Variants in NPIPB2 observed in about 807,000 individuals in gnomAD.
The protein encoded by NPIPB2 is nuclear pore complex-interacting protein family member B2.
NPIPB2 carries 27 observed loss-of-function variants against 30.8 expected under a neutral mutation model. The ratio of observed to expected loss-of-function variants is 0.88; its 90% CI spans 0.65 to 1.21. The LOEUF (loss-of-function observed/expected upper bound fraction) is 1.21, where lower values mean the gene tolerates loss of function less well. Ranked by LOEUF, NPIPB2 falls within the 50% of genes most tolerant of loss-of-function variation. NPIPB2 has a pLI of 0.00. For missense variants in NPIPB2, 440 were observed against 446.2 expected (o/e 0.99, Z 0.13); for synonymous variants, 147 against 162.0 (o/e 0.91, Z 0.70).
intron 1 of NPIPB2, chr16:11,966,286 G>A: frequency 6.2e-7 from 1 of 1,614,006 alleles, no homozygotes; most frequent in African/African-American, 1.3e-5. Context: ...TCGTGCTAAT[G>A]TTTTTGCTAA....
chr16:11,956,916 C>G (rs1165598672), intron 1 of NPIPB2, among the ~76,000 whole-genome samples: 1 of 152,230 alleles, frequency 6.6e-6, no homozygotes, highest in East Asian at 1.9e-4. Flanking sequence ...GGCTCCACAG[C>G]TGGCCCTGCC....
chr16:11,970,779 C>A (rs1007939361), intron 1 of NPIPB2, among the ~76,000 whole-genome samples: 2 of 152,056 alleles, frequency 1.3e-5, no homozygotes, highest in Non-Finnish European at 2.9e-5. Context: ...CGTGATCTAC[C>A]TGCCTTGGCC....
intron 1 of NPIPB2, among the ~76,000 whole-genome samples, chr16:11,972,691 G>A (rs1414417074): frequency 1.3e-5 from 2 of 151,416 alleles, no homozygotes; most frequent in Non-Finnish European, 2.9e-5. Flanking sequence ...TGGCCAACAT[G>A]GTGAAACCCC....
chr16:11,943,175 T>C (rs3894906), upstream of NPIPB2, among the ~76,000 whole-genome samples: 1 of 151,564 alleles, frequency 6.6e-6, no homozygotes. Context: ...AAAAATTAGC[T>C]GGGTGTGGTG....
Position 11,966,205 on chromosome 16 carries a change from T to G in NPIPB2, c.-584+10363A>C, listed in dbSNP as rs780592053. ...GTTCTTTTCATAAAGGTGTGACCAA[T>G]TCAGTGAAAGGAACGAATGCGATTC... On this transcript the variant is annotated intron_variant, in intron 1 of 5. Coordinates refer to the NPIPB2 transcript ENST00000538896. The G allele has an allele frequency of 2.5e-6, 4 of 1,613,148 alleles. No homozygotes were observed. The South Asian group carries it at 4.4e-5, about 18-fold the overall frequency.
intron 1 of NPIPB2, among the ~76,000 whole-genome samples, chr16:11,938,982 G>A (rs1372338469): frequency 1.5e-4 from 22 of 150,782 alleles, no homozygotes; most frequent in East Asian, 3.9e-4. Context: ...TCCTGACCTC[G>A]TGATCCACCT....
At chr16:11,971,428 C>T (rs780745422) in intron 1 of NPIPB2, among the ~76,000 whole-genome samples, 13 of 108,632 alleles carry the variant, frequency 1.2e-4, no homozygotes, top group Admixed American at 2.9e-4. Flanking sequence ...CAACTAGAAG[C>T]AGGTATGGGG....
chr16:11,933,378 A>C, intron 4 of NPIPB2, 139 bp downstream of exon 4: 1 of 1,327,424 alleles, frequency 7.5e-7, no homozygotes. Context: ...AAACTAATGA[A>C]GCAGAAAGGA....
At chr16:11,970,115 G>A (rs898100421) in intron 1 of NPIPB2, among the ~76,000 whole-genome samples, 3 of 152,026 alleles carry the variant, frequency 2.0e-5, no homozygotes, top group East Asian at 2.0e-4. Flanking sequence ...TTGGGAGGCC[G>A]AGACAGGCAG....
intron 1 of NPIPB2, among the ~76,000 whole-genome samples, chr16:11,951,014 G>T (rs1187910871): frequency 6.6e-6 from 1 of 151,928 alleles, no homozygotes; most frequent in East Asian, 1.9e-4. Context: ...TTCTTTAAAA[G>T]GATTCAGGGT....
chr16:11,948,552 G>A (rs1000100444), intron 1 of NPIPB2, among the ~76,000 whole-genome samples: 1 of 151,962 alleles, frequency 6.6e-6, no homozygotes, highest in African/African-American at 2.4e-5. Context: ...GGATCACGAG[G>A]TCAGGAGATC....
Position 11,965,075 on chromosome 16 carries a change from C to G in NPIPB2, c.-584+11493G>C, listed in dbSNP as rs11570138. 328 of 525,780 alleles carry G rather than the reference C, an allele frequency of 6.2e-4. 1 individual carries two copies. Among genetic ancestry groups the G allele is most frequent in the African/African-American group, 5.8e-3 (302 of 52,498 alleles). The allele number at this position is 525,780 out of a possible 1,614,324, so 32.6% of individuals were successfully genotyped here. Reference sequence around the variant, plus strand: ...GTTTCTGTTTCAGATGTGATATGCCCTGATATTTACACCCTGTCTCTTACC... The same window carrying G: ...GTTTCTGTTTCAGATGTGATATGCCGTGATATTTACACCCTGTCTCTTACC... On this transcript the variant is annotated intron_variant, in intron 1 of 5. Transcript: ENST00000538896.
intron 1 of NPIPB2, chr16:11,941,201 G>A (rs2054934271): frequency 1.3e-6 from 2 of 1,528,432 alleles, no homozygotes; most frequent in Admixed American, 2.0e-5. Flanking sequence ...AATTCCAGCA[G>A]GAGCCAAAAG....
intron 1 of NPIPB2, among the ~76,000 whole-genome samples, chr16:11,952,732 TTTTTGCATTTTTTAG>T (rs1186796225): frequency 6.6e-6 from 1 of 151,820 alleles, no homozygotes; most frequent in East Asian, 1.9e-4. Context: ...GCCTGGCTAA[TTTTTGCATTTTTTAG>T]TAGAGATAGG....
chr16:11,946,365 A>G (rs1350442125), upstream of NPIPB2, among the ~76,000 whole-genome samples: 3 of 149,946 alleles, frequency 2.0e-5, no homozygotes, highest in Non-Finnish European at 4.4e-5. Context: ...AGCCTGGGCA[A>G]TAAAAGCTAA....
chr16:11,934,356 C>T (rs1245347705), intron 2 of NPIPB2, among the ~76,000 whole-genome samples: 1 of 149,934 alleles, frequency 6.7e-6, no homozygotes, highest in African/African-American at 2.5e-5. Context: ...GAGTTTGAGA[C>T]CAGCCTCACC....
At chr16:11,934,415 T>C (rs549837689) in intron 2 of NPIPB2, among the ~76,000 whole-genome samples, 3 of 151,474 alleles carry the variant, frequency 2.0e-5, no homozygotes, top group East Asian at 3.9e-4. Context: ...TAGCCAGGCA[T>C]GGTGGTGCAT....
chr16:11,933,714 T>C lies in NPIPB2; in HGVS notation c.293-2A>G. On this transcript the variant is annotated splice_acceptor_variant, in intron 3 of 7. Transcript: ENST00000399147. LOFTEE classifies it high-confidence loss of function. ...TGTGCATACAAATGGACCTCAGCCC[T>C]TGGTGAGAGTGAGGAGAGGAGAAGG... 6.3e-7 allele frequency: 1 copy of C among 1,596,924 alleles called. No individual in the cohort carries two copies. Among genetic ancestry groups the C allele is most frequent in the Admixed American group, 1.7e-5 (1 of 59,988 alleles).
intron 1 of NPIPB2, among the ~76,000 whole-genome samples, chr16:11,950,511 C>CA (rs1356888273): frequency 6.6e-6 from 1 of 152,140 alleles, no homozygotes; most frequent in Non-Finnish European, 1.5e-5. Flanking sequence ...GATGACTTTG[C>CA]AAATGACTTC....
Sources: gnomAD v4.1 joint callset for allele counts (sites outside exome capture counted in the v4.1 genomes callset) on GRCh38, gnomAD v4.1.1 for gene constraint, MANE v1.5 for transcripts, NCBI Gene and HGNC (gene_info 2026-07-23, HGNC 2026-07-21) for gene names.